The following KMT2E variants were observed in gnomAD, a reference collection of about 807,000 sequenced individuals.
KMT2E encodes histone reader KMT2E.
KMT2E carries 30 observed loss-of-function variants against 184.6 expected under a neutral mutation model. That is an observed-to-expected ratio of 0.16 (90% CI 0.12 to 0.22). KMT2E has a LOEUF of 0.22. Among genes scored for constraint, KMT2E ranks in the 10% least tolerant of loss-of-function variants. KMT2E has a pLI of 1.00. For missense variants in KMT2E, 2,023 were observed against 2,237.4 expected (o/e 0.90, Z 1.93); for synonymous variants, 815 against 776.5 (o/e 1.05, Z -0.82).
At chr7:105,020,984 T>C (rs1794925969) in intron 1 of KMT2E, among the ~76,000 whole-genome samples, 1 of 152,268 alleles carries the variant, frequency 6.6e-6, no homozygotes, top group Admixed American at 6.5e-5. Flanking sequence ...CTAATATATG[T>C]AATCGTTTCT....
intron 1 of KMT2E, among the ~76,000 whole-genome samples, chr7:105,025,852 G>C (rs116742188): frequency 6.6e-6 from 1 of 152,146 alleles, no homozygotes; most frequent in African/African-American, 2.4e-5. Flanking sequence ...TGGGCAAGAT[G>C]ACTAAAAGAT....
At chr7:105,025,081 G>A (rs77836697) in intron 1 of KMT2E, among the ~76,000 whole-genome samples, 2,967 of 152,182 alleles carry the variant, frequency 0.019, 102 homozygotes, top group African/African-American at 0.066. Flanking sequence ...CATGTGGAAC[G>A]TGGCTTATTT....
intron 3 of KMT2E, among the ~76,000 whole-genome samples, chr7:105,042,933 T>C (rs1170607543): frequency 1.3e-5 from 2 of 152,190 alleles, no homozygotes; most frequent in Non-Finnish European, 2.9e-5. Context: ...ATGGTTATAT[T>C]ATTGAAATGT....
chr7:105,068,296 C>G (rs892303618), intron 6 of KMT2E, among the ~76,000 whole-genome samples: 1 of 151,602 alleles, frequency 6.6e-6, no homozygotes, highest in African/African-American at 2.4e-5. Flanking sequence ...CATAGTTAGA[C>G]TGTTTTGTCT....
intron 3 of KMT2E, among the ~76,000 whole-genome samples, chr7:105,054,919 C>G (rs185921343): frequency 3.2e-4 from 49 of 152,250 alleles, no homozygotes; most frequent in South Asian, 1.5e-3. Flanking sequence ...AGACATAGTG[C>G]CAAGTGCTTT....
At chr7:105,025,869 G>GA (rs1260083805) in intron 1 of KMT2E, among the ~76,000 whole-genome samples, 4 of 152,046 alleles carry the variant, frequency 2.6e-5, no homozygotes, top group East Asian at 3.8e-4. Flanking sequence ...AGATTACAGG[G>GA]AAAAAATAGA....
At chr7:105,069,691 T>C (rs1797199833) in intron 6 of KMT2E, among the ~76,000 whole-genome samples, 1 of 152,218 alleles carries the variant, frequency 6.6e-6, no homozygotes, top group East Asian at 1.9e-4. Context: ...TTTACCTGTT[T>C]TGCCCCAGTG....
chr7:105,090,857 G>T (rs1244082149), intron 14 of KMT2E, among the ~76,000 whole-genome samples: 2 of 152,044 alleles, frequency 1.3e-5, no homozygotes. Flanking sequence ...TTCTAGAAAT[G>T]ATTTCCCTTA....
intron 3 of KMT2E, among the ~76,000 whole-genome samples, chr7:105,046,189 A>T (rs1796093911): frequency 6.6e-6 from 1 of 152,160 alleles, no homozygotes; most frequent in Non-Finnish European, 1.5e-5. Flanking sequence ...TCTCTAATAA[A>T]TTCACACCAA....
In KMT2E at chr7:105,110,381, G is replaced by A. The variant is rs772600036; in HGVS notation, c.3844+13G>A. ...GATAAAGATAGTGGTAAGTGAGCTT[G>A]TTCCTTCACCAGAAAGTGGAATCAG... On this transcript the variant is annotated intron_variant, in intron 24 of 26. Transcript: ENST00000311117. The A allele has an allele frequency of 5.0e-6, 8 of 1,613,820 alleles. No individual in the cohort carries two copies. Among genetic ancestry groups the A allele is most frequent in the Non-Finnish European group, 6.8e-6 (8 of 1,179,850 alleles).
At chr7:105,061,582 T>C (rs2129567088) in intron 3 of KMT2E, among the ~76,000 whole-genome samples, 1 of 152,322 alleles carries the variant, frequency 6.6e-6, no homozygotes, top group Admixed American at 6.5e-5. Flanking sequence ...GTATCAGTAG[T>C]TGATCAGTCT....
chr7:105,113,517 AGTATTAG>A lies in KMT2E; in HGVS notation c.*189_*195del. On this transcript the variant is annotated 3_prime_UTR_variant, in exon 27 of 27. Coordinates refer to ENST00000311117, the MANE Select transcript of KMT2E (RefSeq NM_182931.3). ...CCTTTAAAAAATGTGCTGTTAAGCC[AGTATTAG>A]GTATCTTTATTTTGTAAGTGAACAT... 1.7e-6 allele frequency: 1 copy of A among 595,624 alleles called. No homozygotes were observed. The highest frequency in any genetic ancestry group is 2.7e-6 in the Non-Finnish European group (1 of 364,544). 36.9% of individuals were successfully genotyped at this position (595,624 alleles called of 1,614,324 possible).
chr7:105,110,182 C>CA, intron 23 of KMT2E, 98 bp from the exon 24 acceptor site: 1 of 963,250 alleles, frequency 1.0e-6, no homozygotes, highest in South Asian at 1.4e-5. Context: ...CCCAGTAGAT[C>CA]AAAAGCCTTG....
intron 3 of KMT2E, among the ~76,000 whole-genome samples, chr7:105,060,117 C>T (rs1796753315): frequency 6.7e-6 from 1 of 149,128 alleles, no homozygotes; most frequent in Admixed American, 6.7e-5. Context: ...TGCCTCAGCC[C>T]CCAAGTAGCT....
chr7:105,058,926 GA>G (rs1208738556), intron 3 of KMT2E, among the ~76,000 whole-genome samples: 3 of 151,788 alleles, frequency 2.0e-5, no homozygotes, highest in Admixed American at 2.0e-4. Flanking sequence ...CAGGCTAAAA[GA>G]AAAAAAGAAC....
chr7:105,109,350 C>T (rs552795085), intron 23 of KMT2E, 122 bp downstream of exon 23: 1 of 979,490 alleles, frequency 1.0e-6, no homozygotes, highest in Admixed American at 2.6e-5. Flanking sequence ...TTAAAAGATT[C>T]TCTCTGCTAA....
In KMT2E at chr7:105,114,169, C is replaced by G. The variant is rs577650721; in HGVS notation, c.*836C>G. 15 of 152,272 alleles carry G rather than the reference C, an allele frequency of 9.9e-5. No individual in the cohort carries two copies. The highest frequency in any genetic ancestry group is 3.1e-4 in the African/African-American group (13 of 41,528). 9.4% of individuals were successfully genotyped at this position (152,272 alleles called of 1,614,324 possible). A position where few individuals can be genotyped will look rare whatever the true frequency, so the allele number is the denominator to read the frequency against. On this transcript the variant is annotated 3_prime_UTR_variant, in exon 27 of 27. Transcript: ENST00000311117. Reference sequence around the variant, plus strand: ...GTTTTCAAATATAGATTGTAAGGAGCCTTCAATTTTCTTTAGCGACTACTA... The same window carrying G: ...GTTTTCAAATATAGATTGTAAGGAGGCTTCAATTTTCTTTAGCGACTACTA...
chr7:105,083,890 C>T lies in KMT2E; in HGVS notation c.1358+2093C>T, dbSNP rs571487421. 3.9e-5 allele frequency among the ~76,000 whole-genome samples: 6 copies of T among 152,296 alleles called. No individual in the cohort carries two copies. The East Asian group carries it at 1.2e-3, about 29-fold the overall frequency. On this transcript the variant is annotated intron_variant, in intron 13 of 26. Coordinates refer to ENST00000311117, the MANE Select transcript of KMT2E (RefSeq NM_182931.3). ...CTCTTTTTAAAATCATCAAACCATACATTACTGGCATTAAATGCTCCAATT... is the reference window on the plus strand; with the variant it reads ...CTCTTTTTAAAATCATCAAACCATATATTACTGGCATTAAATGCTCCAATT...
chr7:105,014,975 C>T (rs910319980), intron 1 of KMT2E, among the ~76,000 whole-genome samples: 1 of 152,160 alleles, frequency 6.6e-6, no homozygotes, highest in Non-Finnish European at 1.5e-5. Context: ...CCATTTTCTT[C>T]TTCCATTTCT....
Sources: allele counts gnomAD v4.1 joint callset (sites outside exome capture counted in the v4.1 genomes callset), GRCh38; gene constraint gnomAD v4.1.1; transcripts MANE v1.5; gene names NCBI Gene and HGNC (gene_info 2026-07-23, HGNC 2026-07-21).